Variants in CDA observed in about 807,000 individuals in gnomAD.
CDA encodes the protein cytidine aminohydrolase.
In CDA, 7 loss-of-function variants were observed where a neutral mutation model predicts 15.0. That is an observed-to-expected ratio of 0.47 (90% CI 0.26 to 0.87). The LOEUF (loss-of-function observed/expected upper bound fraction) is 0.87, where lower values mean the gene tolerates loss of function less well. CDA is among the 40% of genes least tolerant of loss of function. The pLI, the probability that CDA is intolerant of heterozygous loss-of-function variation, is 0.15. For synonymous variants in CDA, 58 were observed against 73.0 expected, an observed-to-expected ratio of 0.79 and a Z score of 1.05; for missense variants, 159 against 182.7, an observed-to-expected ratio of 0.87 and a Z score of 0.75.
rs552989547 is a variant in CDA at position 20,606,903 on chromosome 1, C to A, written c.266+1864C>A. Among the ~76,000 whole-genome samples, 15 of 152,242 alleles carry A rather than the reference C, an allele frequency of 9.9e-5. 1 individual carries two copies. The South Asian group carries it at 2.7e-3, about 27-fold the overall frequency. ...TTGAATGACTTAATGGTGAATTGCT[C>A]CTGTGTGCACCTTTGCATTGTGTAT... is the stretch of plus-strand genomic sequence containing the variant. On this transcript the variant is annotated intron_variant, in intron 2 of 3. Coordinates refer to ENST00000375071, the MANE Select transcript of CDA (RefSeq NM_001785.3).
At chr1:20,617,773 C>T (rs1040124417) in intron 3 of CDA, among the ~76,000 whole-genome samples, 2 of 148,844 alleles carry the variant, frequency 1.3e-5, no homozygotes, top group African/African-American at 2.5e-5. Context: ...TGGCTCACTG[C>T]AACCTCTGCC....
rs901249632 is a variant in CDA, at chr1:20,612,682, C to T, written c.267-1160C>T. On this transcript the variant is annotated intron_variant, in intron 2 of 3. Transcript: ENST00000375071. The stretch of plus-strand genomic sequence containing the variant: ...ACTCACACAAAGCCTGTTGGTGGGG[C>T]GGGGCGGGGTGGCTCATGCCTGGAG... Among the ~76,000 whole-genome samples, 4 of 151,816 alleles carry T rather than the reference C, an allele frequency of 2.6e-5. No individual in the cohort carries two copies. In the East Asian group the frequency reaches 5.8e-4, roughly 22 times the overall value.
intron 2 of CDA, among the ~76,000 whole-genome samples, chr1:20,605,386 G>A (rs923125115): frequency 3.9e-5 from 6 of 151,994 alleles, no homozygotes; most frequent in Non-Finnish European, 8.8e-5. Flanking sequence ...TGAGCCAGGC[G>A]CGGTGGCTCA....
intron 1 of CDA, among the ~76,000 whole-genome samples, chr1:20,599,617 C>CAAAATAAAATAAAAT (rs57315099): frequency 0.1 from 10,889 of 107,840 alleles, 973 homozygotes; most frequent in African/African-American, 0.13. Context: ...ACTCCGTCTC[C>CAAAATAAAATAAAAT]AAAATAAAAT....
intron 2 of CDA, among the ~76,000 whole-genome samples, chr1:20,611,051 G>A (rs1396326620): frequency 6.6e-6 from 1 of 152,152 alleles, no homozygotes; most frequent in East Asian, 1.9e-4. Flanking sequence ...ACCAGCCTGG[G>A]CAATATAGTA....
At chr1:20,614,099 T>C (rs1469272929) in intron 3 of CDA, among the ~76,000 whole-genome samples, 200 bp downstream of exon 3, 1 of 152,044 alleles carries the variant, frequency 6.6e-6, no homozygotes, top group East Asian at 1.9e-4. Context: ...AACAAATACT[T>C]ACCGAGTGAG....
chr1:20,609,009 G>T (rs918166642), intron 2 of CDA, among the ~76,000 whole-genome samples: 1 of 152,170 alleles, frequency 6.6e-6, no homozygotes, highest in Admixed American at 6.5e-5. Flanking sequence ...CTGTTAATGC[G>T]CTGTCTCTAC....
chr1:20,613,941 C>G lies in CDA; in HGVS notation c.324+42C>G, dbSNP rs201247465. 6 of 1,588,298 alleles carry G rather than the reference C, an allele frequency of 3.8e-6. No individual in the cohort carries two copies. In the African/African-American group the frequency reaches 8.1e-5, roughly 21 times the overall value. On this transcript the variant is annotated intron_variant, in intron 3 of 3. Transcript: ENST00000375071. ...GCTGTCTGGAATGCAAATATCTTCC[C>G]TGTCGCAGGCTATGGGAGCCACGCC...
At chr1:20,604,873 A>C in intron 1 of CDA, 55 bp from the exon 2 acceptor site, 11 of 1,177,836 alleles carry the variant, frequency 9.3e-6, no homozygotes, top group Non-Finnish European at 1.4e-5. Flanking sequence ...TACTCAACAC[A>C]CGCAACAGGA....
intron 1 of CDA, among the ~76,000 whole-genome samples, chr1:20,596,756 C>CTTTTTT (rs61288769): frequency 4.9e-5 from 5 of 101,116 alleles, no homozygotes; most frequent in Admixed American, 1.2e-4. Flanking sequence ...CTGTTGATGT[C>CTTTTTT]TTTTTTTTTT....
chr1:20,595,700 C>T (rs1157654225), intron 1 of CDA, among the ~76,000 whole-genome samples: 2 of 152,098 alleles, frequency 1.3e-5, no homozygotes, highest in Non-Finnish European at 1.5e-5. Context: ...ATTAGCCAGG[C>T]GTGGTGGCAC....
At chr1:20,618,360 A>G in intron 3 of CDA, 92 bp from the exon 4 acceptor site, 1 of 738,546 alleles carries the variant, frequency 1.4e-6, no homozygotes, top group Non-Finnish European at 2.5e-6. Context: ...AGAGAGGAAC[A>G]TTAGACAGTG....
intron 1 of CDA, among the ~76,000 whole-genome samples, chr1:20,599,188 G>A (rs952497186): frequency 5.3e-5 from 8 of 152,176 alleles, no homozygotes; most frequent in Non-Finnish European, 1.0e-4. Context: ...AGGCCCTGTG[G>A]CAGGAGCATA....
At chr1:20,602,628 G>A (rs544390895) in intron 1 of CDA, among the ~76,000 whole-genome samples, 1 of 152,118 alleles carries the variant, frequency 6.6e-6, no homozygotes, top group South Asian at 2.1e-4. Context: ...CACCATATTG[G>A]CCAGGCTGAT....
At chr1:20,597,894 C>CTT (rs35045423) in intron 1 of CDA, among the ~76,000 whole-genome samples, 285 of 138,716 alleles carry the variant, frequency 2.1e-3, no homozygotes, top group East Asian at 0.01. Flanking sequence ...TTTTATTTGC[C>CTT]TTTTTTTTTT....
intron 2 of CDA, among the ~76,000 whole-genome samples, chr1:20,609,515 T>C (rs2052726813): frequency 6.6e-6 from 1 of 151,364 alleles, no homozygotes; most frequent in African/African-American, 2.4e-5. Context: ...AAGGAAGCGG[T>C]GAGCTCAGCA....
chr1:20,616,580 G>A (rs954807198), intron 3 of CDA, among the ~76,000 whole-genome samples: 3 of 152,132 alleles, frequency 2.0e-5, no homozygotes, highest in Non-Finnish European at 2.9e-5. Context: ...ACAACAGGGC[G>A]CCAAGTCCCT....
intron 1 of CDA, among the ~76,000 whole-genome samples, chr1:20,596,440 G>C (rs961013830): frequency 4.6e-5 from 7 of 152,170 alleles, no homozygotes; most frequent in African/African-American, 1.7e-4. Context: ...CCAGGAAAGA[G>C]GCTTACAAGT....
intron 2 of CDA, among the ~76,000 whole-genome samples, chr1:20,607,899 C>T (rs1441237971): frequency 6.6e-6 from 1 of 152,114 alleles, no homozygotes; most frequent in African/African-American, 2.4e-5. Flanking sequence ...GGATGGAGAC[C>T]GCACTCAGGA....
Sources: allele counts gnomAD v4.1 joint callset (sites outside exome capture counted in the v4.1 genomes callset), GRCh38; gene constraint gnomAD v4.1.1; transcripts MANE v1.5; gene names NCBI Gene and HGNC (gene_info 2026-07-23, HGNC 2026-07-21).